The following DISP2 variants were observed in gnomAD, a reference collection of about 807,000 sequenced individuals.
The protein encoded by DISP2 is protein dispatched homolog 2.
A neutral mutation model predicts 95.5 loss-of-function variants in DISP2; 59 were observed. That is an observed-to-expected ratio of 0.62 (90% CI 0.50 to 0.77). DISP2 has a LOEUF of 0.77. Ranked by LOEUF, DISP2 falls within the 30% of genes least tolerant of loss-of-function variation. The pLI, the probability that DISP2 is intolerant of heterozygous loss-of-function variation, is 0.00. For missense variants in DISP2, 1,752 were observed against 1,854.6 expected (o/e 0.94, Z 1.02); for synonymous variants, 827 against 815.0 (o/e 1.01, Z -0.25).
rs548549953 is a variant in DISP2 at position 40,370,583 on chromosome 15, C to G, written c.*265C>G. The G allele has an allele frequency of 1.5e-6, 1 of 674,464 alleles. No homozygotes were observed. The highest frequency in any genetic ancestry group is 1.5e-5 in the South Asian group (1 of 66,708). 41.8% of individuals were successfully genotyped at this position (674,464 alleles called of 1,614,324 possible). On this transcript the variant is annotated 3_prime_UTR_variant, in exon 8 of 8. Coordinates refer to ENST00000267889, the MANE Select transcript of DISP2 (RefSeq NM_033510.3). ...GGCTTGTCTGCTCCCACAGCACCAT[C>G]TAAGACCCCTCCTCTAGAAGTGGGG...
At chr15:40,365,482 C>A in intron 6 of DISP2, 146 bp from the exon 7 acceptor site, 1 of 1,260,616 alleles carries the variant, frequency 7.9e-7, no homozygotes, top group Non-Finnish European at 1.1e-6. Flanking sequence ...GGGTGAGGCA[C>A]AGGGACAGGA....
rs1239541511 is a variant in DISP2 at position 40,371,997 on chromosome 15, A to C, written c.*1679A>C. 1 of 152,212 alleles carries C rather than the reference A, an allele frequency of 6.6e-6. No homozygotes were observed. The highest frequency in any genetic ancestry group is 1.5e-5 in the Non-Finnish European group (1 of 68,032). The allele number at this position is 152,212 out of a possible 1,614,324, so 9.4% of individuals were successfully genotyped here. A position where few individuals can be genotyped will look rare whatever the true frequency, so the allele number is the denominator to read the frequency against. On this transcript the variant is annotated 3_prime_UTR_variant, in exon 8 of 8. Coordinates refer to ENST00000267889, the MANE Select transcript of DISP2 (RefSeq NM_033510.3). ...GGAGGAAAAACTTGAGCTGGGCTTC[A>C]GAAGACCAAGCGTCTCAGACTGGAA...
Position 40,369,503 on chromosome 15 carries a change from C to T in DISP2, c.3391C>T (p.Pro1131Ser). 6.2e-7 allele frequency: 1 copy of T among 1,613,186 alleles called. No homozygotes were observed. The highest frequency in any genetic ancestry group is 1.7e-5 in the Admixed American group (1 of 60,036). ...GATCCTCTGGCCCTGTGCCCACCTG[C>T]CATGGGATGCTGGTACTGGGGACCC... ...GQILWPCAHLPWDAGTGDPGG... is the reference protein window; with the variant it reads ...GQILWPCAHLSWDAGTGDPGG... Residue 1131 changes from proline to serine, a missense_variant, in exon 8 of 8, where the codon CCA becomes TCA. Transcript: ENST00000267889.
At position 40,369,100 on chromosome 15, in the gene DISP2, G is replaced by A; in HGVS notation, c.2988G>A (p.Val996=). ...TCAGCCTATTCTCCGTGGCAGCTGT[G>A]GCAGGCACCGTGCTGCTCACTGTAG... ...VPLSLFSVAA[V]AGTVLLTVGL... Residue 996 remains valine, a synonymous_variant, in exon 8 of 8, where the codon GTG becomes GTA. Transcript: ENST00000267889. 1 of 1,613,884 alleles carries A rather than the reference G, an allele frequency of 6.2e-7. No individual in the cohort carries two copies. Among genetic ancestry groups the A allele is most frequent in the Non-Finnish European group, 8.5e-7 (1 of 1,180,038 alleles).
rs1257491089 is a variant in DISP2 at position 40,375,073 on chromosome 15, A to G, written c.*4755A>G. The G allele has an allele frequency of 1.3e-5, 2 of 152,222 alleles. No homozygotes were observed. Among genetic ancestry groups the G allele is most frequent in the Admixed American group, 1.3e-4 (2 of 15,284 alleles). 9.4% of individuals were successfully genotyped at this position (152,222 alleles called of 1,614,324 possible). On this transcript the variant is annotated 3_prime_UTR_variant, in exon 8 of 8. Coordinates refer to ENST00000267889, the MANE Select transcript of DISP2 (RefSeq NM_033510.3). ...ACCCACACCCTTGTTCACAGGGATG[A>G]CTGTAACTAAGGTCTGCAGGTATTT...
Position 40,377,980 on chromosome 15 carries a change from C to T in DISP2, c.*7662C>T, listed in dbSNP as rs562453233. On this transcript the variant is annotated 3_prime_UTR_variant, in exon 8 of 8. Coordinates refer to ENST00000267889, the MANE Select transcript of DISP2 (RefSeq NM_033510.3). The stretch of plus-strand genomic sequence containing the variant: ...TACCTAACAAATCTCAAAAGCAAGA[C>T]CTGAATTCAGGAATCAAGCTGTTTC... 6.6e-6 allele frequency: 1 copy of T among 152,312 alleles called. No individual in the cohort carries two copies. Among genetic ancestry groups the T allele is most frequent in the East Asian group, 1.9e-4 (1 of 5,186 alleles). The allele number at this position is 152,312 out of a possible 1,614,324, so 9.4% of individuals were successfully genotyped here.
At chr15:40,359,356 G>C (rs989557379) in intron 1 of DISP2, among the ~76,000 whole-genome samples, 11 of 152,240 alleles carry the variant, frequency 7.2e-5, no homozygotes, top group African/African-American at 2.4e-4. Context: ...GTACCCCAGA[G>C]GGGGAGAAAG....
rs976540435 is a variant in DISP2, at chr15:40,373,345, C to G, written c.*3027C>G. ...CATTTGGAACTTGAGGTCATTTCCC[C>G]TATTTGTGCCACTGATCCTTGAACT... On this transcript the variant is annotated 3_prime_UTR_variant, in exon 8 of 8. Transcript: ENST00000267889. 8 of 152,220 alleles carry G rather than the reference C, an allele frequency of 5.3e-5. No individual in the cohort carries two copies. Among genetic ancestry groups the G allele is most frequent in the African/African-American group, 1.7e-4 (7 of 41,456 alleles). The allele number at this position is 152,220 out of a possible 1,614,324, so 9.4% of individuals were successfully genotyped here.
Position 40,368,181 on chromosome 15 carries a change from TC to T in DISP2, c.2070del (p.Phe691SerfsTer106). ...GCGGCGGCTGGCACCTCGCGTCTGCTCTTCCAGCGCCTGCTGCCCTGCGGCG... is the reference window on the plus strand; with the variant it reads ...GCGGCGGCTGGCACCTCGCGTCTGCTTTCCAGCGCCTGCTGCCCTGCGGCG... ...RRAAAGTSRL[L>X]FQRLLPCGVI... On this transcript the variant is annotated frameshift_variant, in exon 8 of 8. Transcript: ENST00000267889. LOFTEE classifies it high-confidence loss of function. 6.3e-7 allele frequency: 1 copy of T among 1,595,590 alleles called. No individual in the cohort carries two copies. The highest frequency in any genetic ancestry group is 8.5e-7 in the Non-Finnish European group (1 of 1,174,346).
In DISP2 at chr15:40,371,461, G is replaced by T. The variant is rs1889644432; in HGVS notation, c.*1143G>T. On this transcript the variant is annotated 3_prime_UTR_variant, in exon 8 of 8. Transcript: ENST00000267889. Reference sequence around the variant, plus strand: ...GGCGTCCTAGCTGACCTGATTCCCAGGCTTCAGGACCGTGCCTCTTCTACA... The same window carrying T: ...GGCGTCCTAGCTGACCTGATTCCCATGCTTCAGGACCGTGCCTCTTCTACA... 2 of 152,318 alleles carry T rather than the reference G, an allele frequency of 1.3e-5. No individual in the cohort carries two copies. Among genetic ancestry groups the T allele is most frequent in the Admixed American group, 6.5e-5 (1 of 15,288 alleles). 9.4% of individuals were successfully genotyped at this position (152,318 alleles called of 1,614,324 possible).
chr15:40,360,644 G>A (rs1337345601), intron 1 of DISP2, among the ~76,000 whole-genome samples: 4 of 152,134 alleles, frequency 2.6e-5, no homozygotes, highest in African/African-American at 7.2e-5. Flanking sequence ...GACTTGGGAG[G>A]TTTTAGAAAA....
chr15:40,370,006 C>T lies in DISP2; in HGVS notation c.3894C>T (p.Thr1298=). 3 of 1,614,072 alleles carry T rather than the reference C, an allele frequency of 1.9e-6. No individual in the cohort carries two copies. Among genetic ancestry groups the T allele is most frequent in the Non-Finnish European group, 2.5e-6 (3 of 1,180,024 alleles). The change falls in exon 8 of 8, where the codon ACC becomes ACT. Residue 1298 remains threonine (T), a synonymous_variant. Coordinates refer to ENST00000267889, the MANE Select transcript of DISP2 (RefSeq NM_033510.3). ...AGGGGCTCAGCGTCTCTGATGAGAC[C>T]TGCCTAAGCACCTCTGAGCCCAGTG... is the stretch of plus-strand genomic sequence containing the variant. ...TLEGLSVSDE[T]CLSTSEPSAR... is the part of the protein sequence containing the mutation.
rs115484454 is a variant in DISP2, at chr15:40,370,815, G to A, written c.*497G>A. On this transcript the variant is annotated 3_prime_UTR_variant, in exon 8 of 8. Transcript: ENST00000267889. ...TCATCAGGACACTTCCCTCTCTTTT[G>A]GGAGCTTCTCTGGGCAGAATTGGGC... The A allele has an allele frequency of 3.3e-3, 1,167 of 355,292 alleles. 16 individuals are homozygous for A. Among genetic ancestry groups the A allele is most frequent in the African/African-American group, 0.023 (1,103 of 46,964 alleles). The allele number at this position is 355,292 out of a possible 1,614,324, so 22.0% of individuals were successfully genotyped here. A position where few individuals can be genotyped will look rare whatever the true frequency, so the allele number is the denominator to read the frequency against.
At position 40,372,298 on chromosome 15, in the gene DISP2, G is replaced by A. The variant is rs899518099; in HGVS notation, c.*1980G>A. The A allele has an allele frequency of 6.6e-6, 1 of 152,202 alleles. No individual in the cohort carries two copies. The highest frequency in any genetic ancestry group is 1.5e-5 in the Non-Finnish European group (1 of 68,038). 9.4% of individuals were successfully genotyped at this position (152,202 alleles called of 1,614,324 possible). A position where few individuals can be genotyped will look rare whatever the true frequency, so the allele number is the denominator to read the frequency against. On this transcript the variant is annotated 3_prime_UTR_variant, in exon 8 of 8. Coordinates refer to ENST00000267889, the MANE Select transcript of DISP2 (RefSeq NM_033510.3). ...ATTTTACAGAGGAGTATCAGGAAAGGGAAGGGATTGTTCTAGGGCCAAATA... is the reference window on the plus strand; with the variant it reads ...ATTTTACAGAGGAGTATCAGGAAAGAGAAGGGATTGTTCTAGGGCCAAATA...
chr15:40,364,170 A>C (rs1889455439), intron 2 of DISP2, 56 bp from the exon 3 acceptor site: 1 of 1,612,288 alleles, frequency 6.2e-7, no homozygotes, highest in Non-Finnish European at 8.5e-7. Flanking sequence ...CACCCCCAAC[A>C]CACGCCCTCT....
intron 2 of DISP2, 132 bp from the exon 3 acceptor site, chr15:40,364,094 G>T (rs192953409): frequency 6.7e-7 from 1 of 1,500,216 alleles, no homozygotes; most frequent in East Asian, 2.3e-5. Context: ...GAACTTGGGA[G>T]TGGCAAAGCG....
At chr15:40,365,869 G>T (rs745723268) in intron 7 of DISP2, 144 bp downstream of exon 7, 10 of 799,580 alleles carry the variant, frequency 1.3e-5, no homozygotes, top group Non-Finnish European at 1.8e-5. Context: ...TTCCAACCCT[G>T]CTGAGAGGCT....
rs916359286 is a variant in DISP2, at chr15:40,373,706, AAAAT to A, written c.*3403_*3406del. 5.4e-5 allele frequency: 8 copies of A among 148,442 alleles called. No homozygotes were observed. The highest frequency in any genetic ancestry group is 1.5e-4 in the African/African-American group (6 of 39,766). 9.2% of individuals were successfully genotyped at this position (148,442 alleles called of 1,614,324 possible). On this transcript the variant is annotated 3_prime_UTR_variant, in exon 8 of 8. Coordinates refer to ENST00000267889, the MANE Select transcript of DISP2 (RefSeq NM_033510.3). ...ATGACAGAGCAAGACACCGTCTCAA[AAAAT>A]AAATAAATAAATAAGTCGGGCACGG...
chr15:40,364,287 G>T, intron 3 of DISP2, 32 bp downstream of exon 3: 1 of 1,614,092 alleles, frequency 6.2e-7, no homozygotes, highest in Admixed American at 1.7e-5. Flanking sequence ...ACCTCTAGGG[G>T]TGACCAGGCT....
Sources: allele counts gnomAD v4.1 joint callset (sites outside exome capture counted in the v4.1 genomes callset), GRCh38; gene constraint gnomAD v4.1.1; transcripts MANE v1.5; gene names NCBI Gene and HGNC (gene_info 2026-07-23, HGNC 2026-07-21).